The following NPNT variants were observed in gnomAD, a reference collection of about 807,000 sequenced individuals.
NPNT encodes the protein nephronectin.
NPNT carries 45 observed loss-of-function variants against 68.6 expected under a neutral mutation model. The ratio of observed to expected loss-of-function variants is 0.66; its 90% confidence interval spans 0.52 to 0.84. The LOEUF is 0.84. Among genes scored for constraint, NPNT ranks in the 40% least tolerant of loss-of-function variants. The probability of loss-of-function intolerance (pLI) is 0.00; values close to 1 mark genes in which losing one functional copy is unlikely to be tolerated. For synonymous variants in NPNT, 233 were observed against 253.3 expected, an observed-to-expected ratio of 0.92 and a Z score of 0.76; for missense variants, 672 against 714.8, an observed-to-expected ratio of 0.94 and a Z score of 0.68.
At position 105,971,029 on chromosome 4, in the gene NPNT, G is replaced by T; in HGVS notation, c.*2039G>T. 4 of 363,232 alleles carry T rather than the reference G, an allele frequency of 1.1e-5. No homozygotes were observed. Among genetic ancestry groups the T allele is most frequent in the South Asian group, 8.2e-5 (4 of 48,744 alleles). 22.5% of individuals were successfully genotyped at this position (363,232 alleles called of 1,614,324 possible). Reference sequence around the variant, plus strand: ...TATCTCAGTAATGTCCTAGTGTGGCGGTGGTTTTCAATGTTTCTTCATGTT... The same window carrying T: ...TATCTCAGTAATGTCCTAGTGTGGCTGTGGTTTTCAATGTTTCTTCATGTT... On this transcript the variant is annotated 3_prime_UTR_variant, in exon 12 of 12. Transcript: ENST00000379987.
At chr4:105,941,531 G>A (rs201733099) in intron 7 of NPNT, among the ~76,000 whole-genome samples, 25 of 151,926 alleles carry the variant, frequency 1.6e-4, no homozygotes, top group South Asian at 4.2e-4. Flanking sequence ...AATTTCCTCC[G>A]TAAAATATTT....
At chr4:105,964,871 G>A (rs1384678370) in intron 10 of NPNT, among the ~76,000 whole-genome samples, 1 of 152,170 alleles carries the variant, frequency 6.6e-6, no homozygotes, top group Non-Finnish European at 1.5e-5. Context: ...TGGCATACTT[G>A]CAGCAATGCA....
intron 7 of NPNT, among the ~76,000 whole-genome samples, chr4:105,941,819 A>T (rs1418206947): frequency 1.3e-5 from 2 of 152,198 alleles, no homozygotes; most frequent in Non-Finnish European, 2.9e-5. Flanking sequence ...AATTTATATA[A>T]AGTGTGGATA....
chr4:105,963,566 T>G (rs1731899635), intron 10 of NPNT, among the ~76,000 whole-genome samples: 1 of 152,006 alleles, frequency 6.6e-6, no homozygotes, highest in South Asian at 2.1e-4. Context: ...ATTGTGCTGC[T>G]GACAGACATG....
chr4:105,898,312 G>GTCTCTCTC (rs1386038909), intron 2 of NPNT, among the ~76,000 whole-genome samples: 5 of 39,232 alleles, frequency 1.3e-4, no homozygotes, highest in Admixed American at 2.4e-4. Context: ...CTCTCTCTCT[G>GTCTCTCTC]TCTCTCTCTC....
chr4:105,895,838 G>A, intron 1 of NPNT, 115 bp downstream of exon 1: 1 of 918,238 alleles, frequency 1.1e-6, no homozygotes, highest in Non-Finnish European at 1.7e-6. Context: ...CCTCCATCCA[G>A]AAGTTGGGCC....
chr4:105,898,186 A>G (rs923263533), intron 2 of NPNT, 185 bp downstream of exon 2: 4 of 420,902 alleles, frequency 9.5e-6, no homozygotes, highest in South Asian at 8.2e-5. Context: ...AGCCACCTGT[A>G]TTACGGCCCA....
intron 10 of NPNT, among the ~76,000 whole-genome samples, chr4:105,965,268 T>A (rs191703261): frequency 5.3e-5 from 8 of 151,386 alleles, no homozygotes; most frequent in African/African-American, 1.2e-4. Flanking sequence ...TTTTAATAGG[T>A]AACTTGCTTG....
At chr4:105,909,492 TAA>T (rs1420300962) in intron 2 of NPNT, among the ~76,000 whole-genome samples, 1 of 152,242 alleles carries the variant, frequency 6.6e-6, no homozygotes, top group Non-Finnish European at 1.5e-5. Context: ...GTAGGTTTGC[TAA>T]ATGTTGTGTT....
intron 2 of NPNT, among the ~76,000 whole-genome samples, chr4:105,920,395 T>TAAAAAAAAAA (rs11355483): frequency 1.1e-4 from 9 of 79,460 alleles, no homozygotes; most frequent in African/African-American, 4.6e-4. Flanking sequence ...GTTACTCTAC[T>TAAAAAAAAAA]AAAAAAAAAA....
intron 2 of NPNT, among the ~76,000 whole-genome samples, chr4:105,900,834 G>GTTTTTTTTTTTTTTTTTTTTTTTTT (rs765343668): frequency 1.0e-5 from 1 of 96,638 alleles, no homozygotes. Context: ...ACCCTTGGTT[G>GTTTTTTTTTTTTTTTTTTTTTTTTT]TTTTTTTTTT....
intron 2 of NPNT, among the ~76,000 whole-genome samples, chr4:105,921,736 C>G (rs372489274): frequency 7.2e-5 from 11 of 152,294 alleles, no homozygotes; most frequent in African/African-American, 1.9e-4. Context: ...CCATTCCACC[C>G]AGGTCCTATT....
Position 105,970,549 on chromosome 4 carries a change from A to G in NPNT, c.*1559A>G. The G allele has an allele frequency of 2.9e-6, 2 of 681,548 alleles. No individual in the cohort carries two copies. Among genetic ancestry groups the G allele is most frequent in the Non-Finnish European group, 5.4e-6 (2 of 370,526 alleles). The allele number at this position is 681,548 out of a possible 1,614,324, so 42.2% of individuals were successfully genotyped here. A position where few individuals can be genotyped will look rare whatever the true frequency, so the allele number is the denominator to read the frequency against. On this transcript the variant is annotated 3_prime_UTR_variant, in exon 12 of 12. Coordinates refer to ENST00000379987, the MANE Select transcript of NPNT (RefSeq NM_001033047.3). ...AGAGGGTGGCGACCAGCTGTTCTCC[A>G]TATGCACTAAGAATAGAACAAGAGG...
In NPNT at chr4:105,970,375, T is replaced by C; in HGVS notation, c.*1385T>C. ...TAAGTAATCAGAATATTTTCTGCTA[T>C]TTTTGCCAGGAATCACAAAGATGAT... is the stretch of plus-strand genomic sequence containing the variant. On this transcript the variant is annotated 3_prime_UTR_variant, in exon 12 of 12. Transcript: ENST00000379987. 1.4e-6 allele frequency: 1 copy of C among 697,844 alleles called. No homozygotes were observed. Among genetic ancestry groups the C allele is most frequent in the Non-Finnish European group, 2.6e-6 (1 of 382,884 alleles). The allele number at this position is 697,844 out of a possible 1,614,324, so 43.2% of individuals were successfully genotyped here.
chr4:105,897,442 T>A (rs1179765113), intron 1 of NPNT, among the ~76,000 whole-genome samples: 1 of 152,222 alleles, frequency 6.6e-6, no homozygotes, highest in African/African-American at 2.4e-5. Flanking sequence ...CATCCACCTT[T>A]TATATGAGGC....
intron 1 of NPNT, among the ~76,000 whole-genome samples, chr4:105,897,610 T>C (rs980803761): frequency 6.6e-6 from 1 of 152,186 alleles, no homozygotes; most frequent in African/African-American, 2.4e-5. Flanking sequence ...GCCTTGAGAA[T>C]TGTTGGTGTT....
chr4:105,941,877 A>G (rs1450289012), intron 7 of NPNT, among the ~76,000 whole-genome samples: 1 of 152,234 alleles, frequency 6.6e-6, no homozygotes, highest in Non-Finnish European at 1.5e-5. Flanking sequence ...TTTATAATAT[A>G]CACGTAGCAT....
intron 3 of NPNT, among the ~76,000 whole-genome samples, chr4:105,933,676 G>T (rs1243634147): frequency 6.6e-6 from 1 of 152,142 alleles, no homozygotes; most frequent in East Asian, 1.9e-4. Flanking sequence ...AATCCAGTAA[G>T]TTAGTTATCT....
Position 105,895,697 on chromosome 4 carries a change from G to A in NPNT, c.45G>A (p.Leu15=). 1 of 1,553,774 alleles carries A rather than the reference G, an allele frequency of 6.4e-7. No homozygotes were observed. Among genetic ancestry groups the A allele is most frequent in the South Asian group, 1.2e-5 (1 of 84,202 alleles). The part of the protein sequence containing the change: ...LALVLVSSLY[L]QAAAEFDGRW... ...TGGTGCTGGTATCCTCGCTCTACCT[G>A]CAGGCGGCCGCCGAGTTCGACGGGA... The change falls in exon 1 of 12, where the codon CTG becomes CTA. Residue 15 remains leucine (L), a synonymous_variant. Coordinates refer to ENST00000379987, the MANE Select transcript of NPNT (RefSeq NM_001033047.3).
Sources: gnomAD v4.1 joint callset for allele counts (sites outside exome capture counted in the v4.1 genomes callset) on GRCh38, gnomAD v4.1.1 for gene constraint, MANE v1.5 for transcripts, NCBI Gene and HGNC (gene_info 2026-07-23, HGNC 2026-07-21) for gene names.